Variants in PDE4D observed in about 807,000 individuals in gnomAD.
PDE4D encodes 3',5'-cyclic-AMP phosphodiesterase 4D.
A neutral mutation model predicts 87.4 loss-of-function variants in PDE4D; 24 were observed. The observed-to-expected ratio is 0.27, with a 90% CI of 0.20 to 0.39. The LOEUF is 0.39. Ranked by LOEUF, PDE4D falls within the 10% of genes least tolerant of loss-of-function variation. The pLI is 1.00. For missense variants in PDE4D, 714 were observed against 1,041.0 expected (o/e 0.69, Z 4.32); for synonymous variants, 384 against 383.2 (o/e 1.00, Z -0.02).
intron 1 of PDE4D, among the ~76,000 whole-genome samples, chr5:60,443,792 A>G (rs1387699240): frequency 6.6e-6 from 1 of 152,176 alleles, no homozygotes; most frequent in East Asian, 1.9e-4. Context: ...AGTAGACATG[A>G]CAGTTAGCTG....
chr5:59,386,713 G>A (rs971881396), intron 1 of PDE4D, among the ~76,000 whole-genome samples: 1 of 149,494 alleles, frequency 6.7e-6, no homozygotes, highest in East Asian at 1.9e-4. Flanking sequence ...GAGGGAGGGA[G>A]GGAAAGAAAG....
At chr5:59,001,177 A>T (rs1580207357) in intron 6 of PDE4D, among the ~76,000 whole-genome samples, 1 of 152,192 alleles carries the variant, frequency 6.6e-6, no homozygotes, top group East Asian at 1.9e-4. Flanking sequence ...CTTTAATACT[A>T]AAGAGGTCTT....
chr5:59,628,122 G>C (rs775327685), intron 1 of PDE4D, among the ~76,000 whole-genome samples: 69 of 152,140 alleles, frequency 4.5e-4, no homozygotes, highest in Non-Finnish European at 8.4e-4. Flanking sequence ...GGACTCTCAA[G>C]ACAACCCCTT....
intron 2 of PDE4D, among the ~76,000 whole-genome samples, chr5:60,092,569 T>C (rs1378528073): frequency 7.3e-6 from 1 of 137,422 alleles, no homozygotes; most frequent in African/African-American, 2.5e-5. Context: ...GCACAATTCT[T>C]ATGTTTCAAT....
chr5:59,653,043 C>T (rs755817130), intron 1 of PDE4D, among the ~76,000 whole-genome samples: 10 of 151,848 alleles, frequency 6.6e-5, no homozygotes, highest in Non-Finnish European at 8.8e-5. Flanking sequence ...ATTCCAGAAA[C>T]ATTTCCATCC....
chr5:59,263,321 A>T (rs4423957), intron 1 of PDE4D, among the ~76,000 whole-genome samples: 4,257 of 151,944 alleles, frequency 0.028, 216 homozygotes, highest in African/African-American at 0.098. Context: ...CAGGAGAGGT[A>T]CGTGAGACAG....
intron 5 of PDE4D, among the ~76,000 whole-genome samples, chr5:59,071,532 A>G (rs1445178108): frequency 1.7e-5 from 2 of 120,502 alleles, no homozygotes; most frequent in Non-Finnish European, 3.2e-5. Flanking sequence ...CTCTTTTCCT[A>G]TTCTCTGAGT....
At chr5:59,639,166 A>C (rs1741115925) in intron 1 of PDE4D, among the ~76,000 whole-genome samples, 1 of 152,172 alleles carries the variant, frequency 6.6e-6, no homozygotes, top group Non-Finnish European at 1.5e-5. Flanking sequence ...ATACCAATGT[A>C]ATGACTATTG....
At chr5:59,213,732 CA>C (rs1189024880) in intron 2 of PDE4D, among the ~76,000 whole-genome samples, 1 of 152,052 alleles carries the variant, frequency 6.6e-6, no homozygotes, top group Non-Finnish European at 1.5e-5. Context: ...TACAACGCAC[CA>C]CTCAACTGTC....
At chr5:60,301,948 T>C (rs1753938728) in intron 1 of PDE4D, among the ~76,000 whole-genome samples, 1 of 152,196 alleles carries the variant, frequency 6.6e-6, no homozygotes, top group South Asian at 2.1e-4. Flanking sequence ...TTTTTGTCTT[T>C]AGTTTTTTTT....
At chr5:59,622,727 A>G (rs1277262850) in intron 1 of PDE4D, among the ~76,000 whole-genome samples, 1 of 152,094 alleles carries the variant, frequency 6.6e-6, no homozygotes, top group Admixed American at 6.6e-5. Context: ...TTCTCCTGAC[A>G]CTCACCATCA....
At chr5:59,162,229 G>A (rs1781210287) in intron 5 of PDE4D, among the ~76,000 whole-genome samples, 2 of 152,070 alleles carry the variant, frequency 1.3e-5, no homozygotes, top group African/African-American at 2.4e-5. Context: ...GTCTCCCAAC[G>A]CTGGGGCATA....
At chr5:59,006,542 A>C (rs1751658223) in intron 6 of PDE4D, among the ~76,000 whole-genome samples, 1 of 152,118 alleles carries the variant, frequency 6.6e-6, no homozygotes, top group Non-Finnish European at 1.5e-5. Flanking sequence ...TGATTGCACC[A>C]CTGTACTCCA....
intron 1 of PDE4D, among the ~76,000 whole-genome samples, chr5:59,731,738 T>C (rs892043118): frequency 6.6e-6 from 1 of 152,160 alleles, no homozygotes; most frequent in Non-Finnish European, 1.5e-5. Context: ...TTTGTTGGAG[T>C]TAATGTTTCC....
At chr5:59,915,817 T>A (rs1359692970) in intron 3 of PDE4D, among the ~76,000 whole-genome samples, 2 of 152,214 alleles carry the variant, frequency 1.3e-5, no homozygotes, top group Admixed American at 6.5e-5. Flanking sequence ...CATTTCTTTT[T>A]GGTGACATAA....
At chr5:59,275,219 G>T in intron 1 of PDE4D, 1 of 763,240 alleles carries the variant, frequency 1.3e-6, no homozygotes, top group Non-Finnish European at 2.1e-6. Context: ...AAGAATAAAA[G>T]AGCCGCCAAT....
At chr5:59,800,519 T>G (rs1368902237) in intron 1 of PDE4D, among the ~76,000 whole-genome samples, 7 of 152,166 alleles carry the variant, frequency 4.6e-5, no homozygotes, top group African/African-American at 1.7e-4. Context: ...TAGAGATATT[T>G]CCACCAATGA....
intron 3 of PDE4D, among the ~76,000 whole-genome samples, chr5:59,187,431 G>T (rs532245167): frequency 2.6e-5 from 4 of 151,992 alleles, no homozygotes; most frequent in Admixed American, 6.6e-5. Context: ...CTGAAAAGAC[G>T]CAATAGAAAC....
At chr5:60,341,350 T>A (rs951413736) in intron 1 of PDE4D, among the ~76,000 whole-genome samples, 1 of 152,156 alleles carries the variant, frequency 6.6e-6, no homozygotes, top group Non-Finnish European at 1.5e-5. Flanking sequence ...TCTCCAGTTT[T>A]CTATCCATGC....
Sources: allele counts gnomAD v4.1 joint callset (sites outside exome capture counted in the v4.1 genomes callset), GRCh38; gene constraint gnomAD v4.1.1; transcripts MANE v1.5; gene names NCBI Gene and HGNC (gene_info 2026-07-23, HGNC 2026-07-21).